The following STAG2 variants were observed in gnomAD, a reference collection of about 807,000 sequenced individuals.
STAG2 encodes STAG2 cohesin complex component, also known as cohesin subunit SA-2.
A neutral mutation model predicts 108.1 loss-of-function variants in STAG2; 14 were observed. That is an observed-to-expected ratio of 0.13 (90% CI 0.09 to 0.20). STAG2 has a LOEUF of 0.20. Among genes scored for constraint, STAG2 ranks in the 10% least tolerant of loss-of-function variants. STAG2 has a pLI of 1.00. For synonymous variants in STAG2, 307 were observed against 302.7 expected (o/e 1.01, Z -0.15); for missense variants, 440 against 940.9 (o/e 0.47, Z 6.96).
chrX:124,022,267 A>C (rs1035652155), intron 2 of STAG2, among the ~76,000 whole-genome samples: 3 of 109,489 alleles, frequency 2.7e-5, no homozygotes, highest in African/African-American at 1.0e-4. Flanking sequence ...GCTACTCGGG[A>C]GGCTGAGGTA....
Position 124,080,206 on chromosome X carries a change from T to C in STAG2, c.2776-1174T>C, listed in dbSNP as rs140356565. 7.4e-3 allele frequency among the ~76,000 whole-genome samples: 820 copies of C among 111,297 alleles called. 6 individuals are homozygous for C. Among genetic ancestry groups the C allele is most frequent in the African/African-American group, 0.025 (773 of 30,613 alleles). ...TAACTATGGTCACCATGCTGTACAA[T>C]AGATCTTCAGAACTTACTTATCCTG... is the stretch of plus-strand genomic sequence containing the variant. On this transcript the variant is annotated intron_variant, in intron 27 of 34. Coordinates refer to ENST00000371145, the MANE Select transcript of STAG2 (RefSeq NM_001042750.2).
intron 27 of STAG2, 42 bp downstream of exon 27, chrX:124,078,100 C>A: frequency 1.0e-6 from 1 of 959,813 alleles, no homozygotes; most frequent in Non-Finnish European, 1.5e-6. Context: ...ACAATTAACA[C>A]CTAATAGTTA....
chrX:124,092,543 A>T (rs767138024), intron 32 of STAG2, among the ~76,000 whole-genome samples: 8 of 111,867 alleles, frequency 7.2e-5, no homozygotes, highest in Non-Finnish European at 1.9e-5. Context: ...ATTCCCAATT[A>T]TAGTTAACTC....
At chrX:124,085,582 C>T (rs1373325969) in intron 29 of STAG2, among the ~76,000 whole-genome samples, 2 of 110,178 alleles carry the variant, frequency 1.8e-5, no homozygotes, top group African/African-American at 6.6e-5. Context: ...CGAGAGCAAT[C>T]TGGCCAACAT....
intron 1 of STAG2, among the ~76,000 whole-genome samples, chrX:123,995,620 G>C (rs2055698271): frequency 1.8e-5 from 2 of 110,615 alleles, no homozygotes; most frequent in African/African-American, 6.6e-5. Context: ...CGTGAACCCG[G>C]GAGGCAGAGC....
At chrX:124,036,468 T>C (rs1157482456) in intron 5 of STAG2, among the ~76,000 whole-genome samples, 1 of 111,848 alleles carries the variant, frequency 8.9e-6, no homozygotes, top group African/African-American at 3.3e-5. Flanking sequence ...CACTGCAGCC[T>C]TCATCTCCCG....
intron 15 of STAG2, 31 bp from the exon 16 acceptor site, chrX:124,061,193 C>G (rs754217619): frequency 1.9e-6 from 2 of 1,070,475 alleles, no homozygotes; most frequent in African/African-American, 3.7e-5. Flanking sequence ...TGATAATTGT[C>G]TAAGACCACA....
At chrX:124,017,355 G>A (rs1234437858) in intron 1 of STAG2, among the ~76,000 whole-genome samples, 3 of 109,892 alleles carry the variant, frequency 2.7e-5, no homozygotes, top group Non-Finnish European at 5.7e-5. Flanking sequence ...GACTATAGGT[G>A]CACACCACTG....
At chrX:124,058,012 G>A (rs1472562299) in intron 15 of STAG2, 35 bp downstream of exon 15, 2 of 963,957 alleles carry the variant, frequency 2.1e-6, no homozygotes, top group South Asian at 2.4e-5. Context: ...ACTTAGGTTC[G>A]AAAAATTTTG....
chrX:123,968,496 C>G (rs558828922), intron 1 of STAG2, among the ~76,000 whole-genome samples: 2 of 110,997 alleles, frequency 1.8e-5, no homozygotes, highest in South Asian at 7.6e-4. Flanking sequence ...CCCATCTCTA[C>G]AAAAAAATTT....
chrX:123,985,340 C>T (rs142513842), intron 1 of STAG2, among the ~76,000 whole-genome samples: 16,181 of 110,476 alleles, frequency 0.15, 1,111 homozygotes, highest in South Asian at 0.36. Context: ...AGGGATCCTC[C>T]TGCCTTAGCC....
At chrX:124,071,445 A>G in intron 25 of STAG2, 122 bp downstream of exon 25, 1 of 516,718 alleles carries the variant, frequency 1.9e-6, no homozygotes. Context: ...ACACAGGTAT[A>G]TATTCCAGCA....
rs1279858042 is a variant in STAG2, at chrX:124,078,879, G to T, written c.2775+821G>T. Reference sequence around the variant, plus strand: ...AGCCACTTGGGAGGCTGAGGCACGAGAATTGCTTGAACCTCGTAGGTGGAG... The same window carrying T: ...AGCCACTTGGGAGGCTGAGGCACGATAATTGCTTGAACCTCGTAGGTGGAG... On this transcript the variant is annotated intron_variant, in intron 27 of 34. Transcript: ENST00000371145. Among the ~76,000 whole-genome samples, 4 of 108,812 alleles carry T rather than the reference G, an allele frequency of 3.7e-5. 1 individual carries two copies. Among genetic ancestry groups the T allele is most frequent in the Non-Finnish European group, 7.6e-5 (4 of 52,367 alleles). The allele number at this position is 108,812 out of a possible 115,157, so 94.5% of individuals were successfully genotyped here.
At chrX:123,995,157 G>C (rs2055670494) in intron 1 of STAG2, among the ~76,000 whole-genome samples, 2 of 111,771 alleles carry the variant, frequency 1.8e-5, no homozygotes, top group Admixed American at 9.5e-5. Context: ...ATCTTAGAAA[G>C]CTTGACTGTA....
chrX:124,061,477 A>G (rs986711881), intron 16 of STAG2, 136 bp downstream of exon 16: 14 of 479,199 alleles, frequency 2.9e-5, no homozygotes, highest in Non-Finnish European at 4.5e-5. Flanking sequence ...TTGTTTTCAT[A>G]TAAATATTAT....
intron 1 of STAG2, among the ~76,000 whole-genome samples, chrX:124,008,787 G>GA (rs1266735597): frequency 1.8e-5 from 2 of 112,028 alleles, no homozygotes; most frequent in Non-Finnish European, 3.8e-5. Context: ...CATAGAATAA[G>GA]ATGGAGATCC....
In STAG2 at chrX:124,084,958, A is replaced by G. The variant is rs113990336; in HGVS notation, c.3053+1409A>G. Among the ~76,000 whole-genome samples, 730 of 111,599 alleles carry G rather than the reference A, an allele frequency of 6.5e-3. 5 individuals are homozygous for G. Among genetic ancestry groups the G allele is most frequent in the African/African-American group, 0.022 (689 of 30,698 alleles). ...ATTCTCTCTACCTCATGATCCAGTAATTTCATTCATAAGTAGATACCCCAC... is the reference window on the plus strand; with the variant it reads ...ATTCTCTCTACCTCATGATCCAGTAGTTTCATTCATAAGTAGATACCCCAC... On this transcript the variant is annotated intron_variant, in intron 29 of 34. Coordinates refer to ENST00000371145, the MANE Select transcript of STAG2 (RefSeq NM_001042750.2).
chrX:123,991,955 ACGCCTGGCC>A (rs2055502543), intron 1 of STAG2, among the ~76,000 whole-genome samples: 1 of 113,024 alleles, frequency 8.8e-6, no homozygotes, highest in Non-Finnish European at 1.9e-5. Flanking sequence ...GTGAGCAACG[ACGCCTGGCC>A]ACAACAACTA....
At chrX:124,051,088 C>G (rs1603031436) in intron 11 of STAG2, 33 bp from the exon 12 acceptor site, 1 of 812,926 alleles carries the variant, frequency 1.2e-6, no homozygotes, top group South Asian at 2.7e-5. Flanking sequence ...AGTTTTAATG[C>G]ATTGTCTCAT....
Sources: gnomAD v4.1 joint callset for allele counts (sites outside exome capture counted in the v4.1 genomes callset) on GRCh38, gnomAD v4.1.1 for gene constraint, MANE v1.5 for transcripts, NCBI Gene and HGNC (gene_info 2026-07-23, HGNC 2026-07-21) for gene names.